The following SGPP2 variants were observed in gnomAD, a reference collection of about 807,000 sequenced individuals.
The protein encoded by SGPP2 is sphingosine 1-phosphate phosphohydrolase 2.
SGPP2 carries 30 observed loss-of-function variants against 33.9 expected under a neutral mutation model. The ratio of observed to expected loss-of-function variants is 0.89; its 90% confidence interval spans 0.66 to 1.20. The LOEUF is 1.20. SGPP2 is among the 50% of genes most tolerant of loss of function. The pLI is 0.00. For synonymous variants in SGPP2, 233 were observed against 225.0 expected, an observed-to-expected ratio of 1.04 and a Z score of -0.32; for missense variants, 458 against 532.1, an observed-to-expected ratio of 0.86 and a Z score of 1.37.
chr2:222,562,621 A>G lies in SGPP2; in HGVS notation c.*3723A>G, dbSNP rs1689569559. Reference sequence around the variant, plus strand: ...TGACTTATTAAATGCTTTAAAAGCCAGTGTTCTGTTTCCTTGCATTTTTTT... The same window carrying G: ...TGACTTATTAAATGCTTTAAAAGCCGGTGTTCTGTTTCCTTGCATTTTTTT... On this transcript the variant is annotated 3_prime_UTR_variant, in exon 5 of 5. Transcript: ENST00000321276. Among the ~76,000 whole-genome samples, 1 of 152,210 alleles carries G rather than the reference A, an allele frequency of 6.6e-6. No individual in the cohort carries two copies. Among genetic ancestry groups the G allele is most frequent in the African/African-American group, 2.4e-5 (1 of 41,452 alleles).
chr2:222,532,545 C>A (rs1162504569), intron 4 of SGPP2, among the ~76,000 whole-genome samples: 1 of 152,068 alleles, frequency 6.6e-6, no homozygotes, highest in African/African-American at 2.4e-5. Flanking sequence ...TCTGGCCCCA[C>A]CCCAGGGAAG....
chr2:222,507,886 G>A (rs1024021870), intron 2 of SGPP2, among the ~76,000 whole-genome samples: 21 of 152,178 alleles, frequency 1.4e-4, no homozygotes, highest in African/African-American at 4.8e-4. Context: ...ACCGTGTCCT[G>A]TCATGAACAT....
At chr2:222,494,924 A>C (rs1427795061) in intron 2 of SGPP2, among the ~76,000 whole-genome samples, 1 of 152,180 alleles carries the variant, frequency 6.6e-6, no homozygotes, top group Non-Finnish European at 1.5e-5. Context: ...TTAAAATATA[A>C]GAGTTGCTGA....
At chr2:222,474,203 T>C (rs1446903060) in intron 1 of SGPP2, among the ~76,000 whole-genome samples, 1 of 152,216 alleles carries the variant, frequency 6.6e-6, no homozygotes, top group Non-Finnish European at 1.5e-5. Flanking sequence ...CATAGAAATC[T>C]TTGAGGGAAG....
In SGPP2 at chr2:222,526,760, G is replaced by A. The variant is rs139128050; in HGVS notation, c.648+1727G>A. ...CCATCATCCTCAGCAAACTAACACGGGAACAGAAAACCTAACACCACATGT... is the reference window on the plus strand; with the variant it reads ...CCATCATCCTCAGCAAACTAACACGAGAACAGAAAACCTAACACCACATGT... On this transcript the variant is annotated intron_variant, in intron 4 of 4. Coordinates refer to ENST00000321276, the MANE Select transcript of SGPP2 (RefSeq NM_152386.4). 3.5e-3 allele frequency among the ~76,000 whole-genome samples: 536 copies of A among 152,192 alleles called. 1 individual carries two copies. Among genetic ancestry groups the A allele is most frequent in the African/African-American group, 0.012 (517 of 41,530 alleles).
chr2:222,434,431 C>T (rs968768678), intron 1 of SGPP2, among the ~76,000 whole-genome samples: 4 of 152,076 alleles, frequency 2.6e-5, no homozygotes, highest in South Asian at 2.1e-4. Context: ...TGGGCCAGAG[C>T]GGATGAAAAG....
intron 4 of SGPP2, among the ~76,000 whole-genome samples, chr2:222,528,075 G>A (rs898248327): frequency 3.3e-5 from 5 of 152,034 alleles, no homozygotes; most frequent in Admixed American, 1.3e-4. Context: ...CCCTTCCCTG[G>A]GCCCCTCACA....
At chr2:222,474,762 T>G (rs1163871672) in intron 2 of SGPP2, 36 bp downstream of exon 2, 1 of 1,537,742 alleles carries the variant, frequency 6.5e-7, no homozygotes, top group Admixed American at 1.8e-5. Context: ...TGATGCTACT[T>G]CTAAAACAAC....
chr2:222,536,898 A>T (rs148094078), intron 4 of SGPP2, among the ~76,000 whole-genome samples: 2 of 152,320 alleles, frequency 1.3e-5, no homozygotes, highest in African/African-American at 4.8e-5. Flanking sequence ...ATGATTTACT[A>T]TAATTCCTTA....
intron 4 of SGPP2, among the ~76,000 whole-genome samples, chr2:222,529,131 G>A (rs890485698): frequency 4.6e-5 from 7 of 152,066 alleles, no homozygotes; most frequent in Admixed American, 1.3e-4. Flanking sequence ...TATCCACTAC[G>A]TTTATGTAAT....
chr2:222,455,922 A>T (rs1697566474), intron 1 of SGPP2, among the ~76,000 whole-genome samples: 1 of 152,100 alleles, frequency 6.6e-6, no homozygotes, highest in Non-Finnish European at 1.5e-5. Flanking sequence ...TTTAAAAATT[A>T]AAAAATATTC....
At position 222,550,810 on chromosome 2, in the gene SGPP2, C is replaced by CT. The variant is rs1689281114; in HGVS notation, c.649-7532dup. Among the ~76,000 whole-genome samples the CT allele has an allele frequency of 6.6e-6, 1 of 151,514 alleles. No homozygotes were observed. The highest frequency in any genetic ancestry group is 1.5e-5 in the Non-Finnish European group (1 of 67,998). On this transcript the variant is annotated intron_variant, in intron 4 of 4. Coordinates refer to ENST00000321276, the MANE Select transcript of SGPP2 (RefSeq NM_152386.4). The surrounding 1 kb of genome is among the most constrained non-coding windows in gnomAD (Gnocchi z 4.5). Reference sequence around the variant, plus strand: ...TGTTTCTGTAATGGAGCATGTGTTACTTTTTGGACTTAAATGGCATGAGCT... The same window carrying CT: ...TGTTTCTGTAATGGAGCATGTGTTACTTTTTTGGACTTAAATGGCATGAGCT...
chr2:222,432,234 T>C (rs1697168327), intron 1 of SGPP2, among the ~76,000 whole-genome samples: 1 of 152,096 alleles, frequency 6.6e-6, no homozygotes, highest in South Asian at 2.1e-4. Context: ...TTTTAAGAAA[T>C]AGTGATGTTA....
chr2:222,549,888 T>C (rs192423973), intron 4 of SGPP2, among the ~76,000 whole-genome samples: 4 of 151,572 alleles, frequency 2.6e-5, no homozygotes, highest in East Asian at 3.9e-4. Flanking sequence ...CTTTTCTTTT[T>C]TTTTTTTTTG....
chr2:222,426,393 G>A (rs529785829), intron 1 of SGPP2, among the ~76,000 whole-genome samples: 109 of 152,294 alleles, frequency 7.2e-4, no homozygotes, highest in African/African-American at 2.5e-3. Context: ...AATTCAGGAA[G>A]CTGAAAAAGA....
Position 222,558,678 on chromosome 2 carries a change from A to C in SGPP2, c.980A>C (p.Lys327Thr). 2 of 1,614,104 alleles carry C rather than the reference A, an allele frequency of 1.2e-6. No homozygotes were observed. Among genetic ancestry groups the C allele is most frequent in the Non-Finnish European group, 1.7e-6 (2 of 1,180,004 alleles). ...TACATGTTAGTTTTGGGTCTGACCA[A>C]ATTTGCAGTGGGAATTGTGTTGATC... ...TTYMLVLGLT[K>T]FAVGIVLILL... The change falls in exon 5 of 5, where the codon AAA (lysine) becomes ACA (threonine). Residue 327 changes from lysine to threonine, a missense_variant. Transcript: ENST00000321276.
chr2:222,562,318 C>T lies in SGPP2; in HGVS notation c.*3420C>T, dbSNP rs556498588. 3.9e-5 allele frequency among the ~76,000 whole-genome samples: 6 copies of T among 152,282 alleles called. No homozygotes were observed. In the South Asian group the frequency reaches 1.0e-3, roughly 26 times the overall value. On this transcript the variant is annotated 3_prime_UTR_variant, in exon 5 of 5. Transcript: ENST00000321276. ...ATGCCAGTTTTGCTCAAACCTGCAC[C>T]GTCACAAGATATTCAGAAGATGAAA...
rs1196901035 is a variant in SGPP2, at chr2:222,476,381, C to T, written c.378+1655C>T. ...TGACAGAGGGACTAGGGAGCAACTGCCCCTGGCTCCACCTGGGACTTCAAA... is the reference window on the plus strand; with the variant it reads ...TGACAGAGGGACTAGGGAGCAACTGTCCCTGGCTCCACCTGGGACTTCAAA... On this transcript the variant is annotated intron_variant, in intron 2 of 4. Transcript: ENST00000321276. This position sits in a 1 kb window ranked among gnomAD's most constrained non-coding sequence, Gnocchi z 4.3. Among the ~76,000 whole-genome samples, 1 of 152,090 alleles carries T rather than the reference C, an allele frequency of 6.6e-6. No individual in the cohort carries two copies. The highest frequency in any genetic ancestry group is 6.5e-5 in the Admixed American group (1 of 15,272).
intron 4 of SGPP2, among the ~76,000 whole-genome samples, chr2:222,525,342 G>C (rs1698742819): frequency 2.0e-5 from 3 of 152,152 alleles, no homozygotes; most frequent in Admixed American, 2.0e-4. Flanking sequence ...AAGCAGTTCA[G>C]AAAAAGCCCC....
Sources: allele counts gnomAD v4.1 joint callset (sites outside exome capture counted in the v4.1 genomes callset), GRCh38; gene constraint gnomAD v4.1.1; non-coding constraint Gnocchi (gnomAD v3.1); transcripts MANE v1.5; gene names NCBI Gene and HGNC (gene_info 2026-07-23, HGNC 2026-07-21).